SRD5A2: variants seen among roughly 807,000 people sequenced by gnomAD.
The protein encoded by SRD5A2 is 3-oxo-5-alpha-steroid 4-dehydrogenase 2.
Under a neutral mutation model 27.4 loss-of-function variants are expected in SRD5A2, and 30 were observed. The ratio of observed to expected loss-of-function variants is 1.10; its 90% CI spans 0.82 to 1.49. The LOEUF is 1.49. SRD5A2 is among the 40% of genes most tolerant of loss of function. SRD5A2 has a pLI of 0.00. For missense variants in SRD5A2, 348 were observed against 323.4 expected (o/e 1.08, Z -0.58); for synonymous variants, 141 against 133.6 (o/e 1.06, Z -0.38).
chr2:31,575,825 A>C (rs1460021507), intron 1 of SRD5A2, among the ~76,000 whole-genome samples: 1 of 152,210 alleles, frequency 6.6e-6, no homozygotes, highest in African/African-American at 2.4e-5. Context: ...TTGTTCATTC[A>C]GTTATCAAGG....
chr2:31,563,254 TAA>T (rs1572649667), intron 1 of SRD5A2: 1 of 151,938 alleles, frequency 6.6e-6, no homozygotes, highest in East Asian at 1.9e-4. Flanking sequence ...TAGAGGTCAC[TAA>T]AACCAACAAA....
intron 1 of SRD5A2, among the ~76,000 whole-genome samples, chr2:31,564,081 T>G (rs1250560083): frequency 1.3e-5 from 2 of 152,216 alleles, no homozygotes; most frequent in South Asian, 2.1e-4. Flanking sequence ...AAAACACTGC[T>G]TATTATAGGA....
chr2:31,593,076 C>A, the SRD5A2 span, among the ~76,000 whole-genome samples: 1 of 151,718 alleles, frequency 6.6e-6, no homozygotes, highest in African/African-American at 2.4e-5. Flanking sequence ...CACATGGACA[C>A]AGGAAGGGGA....
the SRD5A2 span, among the ~76,000 whole-genome samples, chr2:31,636,714 G>A: frequency 6.6e-6 from 1 of 152,072 alleles, no homozygotes; most frequent in Non-Finnish European, 1.5e-5. Flanking sequence ...TGCTTTTGCA[G>A]GTTCTATTGA....
chr2:31,661,929 G>A, the SRD5A2 span, among the ~76,000 whole-genome samples: 5 of 151,550 alleles, frequency 3.3e-5, no homozygotes, highest in South Asian at 2.1e-4. Flanking sequence ...CTTCTATATC[G>A]GCCAAACTTC....
chr2:31,532,692 A>C (rs911341258), intron 2 of SRD5A2, among the ~76,000 whole-genome samples: 2 of 152,122 alleles, frequency 1.3e-5, no homozygotes, highest in Admixed American at 1.3e-4. Context: ...GAAACAATCA[A>C]GTCTATTCTC....
upstream of SRD5A2, among the ~76,000 whole-genome samples, chr2:31,582,494 G>A (rs368471081): frequency 2.6e-5 from 4 of 152,046 alleles, no homozygotes; most frequent in East Asian, 1.9e-4. Context: ...CATACTGACC[G>A]AAGCATTTTT....
chr2:31,599,914 C>A, the SRD5A2 span, among the ~76,000 whole-genome samples: 1 of 151,766 alleles, frequency 6.6e-6, no homozygotes, highest in East Asian at 1.9e-4. Context: ...GTTTGTTGTA[C>A]GGATATTTAA....
chr2:31,526,123 A>G lies in SRD5A2; in HGVS notation c.*73T>C. On this transcript the variant is annotated 3_prime_UTR_variant, in exon 5 of 5. Coordinates refer to ENST00000622030, the MANE Select transcript of SRD5A2 (RefSeq NM_000348.4). ...TATATACGGGACTATTATATCATGA[A>G]AATTACAGTTTCAGCAGCTTGACAG... The G allele has an allele frequency of 9.8e-7, 1 of 1,017,384 alleles. No homozygotes were observed. The highest frequency in any genetic ancestry group is 1.5e-6 in the Non-Finnish European group (1 of 667,542). The allele number at this position is 1,017,384 out of a possible 1,614,324, so 63.0% of individuals were successfully genotyped here. A position where few individuals can be genotyped will look rare whatever the true frequency, so the allele number is the denominator to read the frequency against.
chr2:31,642,652 T>C, the SRD5A2 span, among the ~76,000 whole-genome samples: 1 of 151,952 alleles, frequency 6.6e-6, no homozygotes, highest in South Asian at 2.1e-4. Context: ...GATCCAACAA[T>C]TCAACGCCAA....
rs117105968 is a variant in SRD5A2 at position 31,578,612 on chromosome 2, A to G, written c.281+2008T>C. 3.6e-4 allele frequency among the ~76,000 whole-genome samples: 55 copies of G among 152,302 alleles called. 1 individual carries two copies. In the East Asian group the frequency reaches 0.01, roughly 28 times the overall value. ...CAAAGAAAGAATTCAAAAAAGAGGA[A>G]AGACAAACATCAGATCCCGATGCCT... On this transcript the variant is annotated intron_variant, in intron 1 of 4. Transcript: ENST00000622030.
chr2:31,543,890 T>C (rs573598296), intron 1 of SRD5A2, among the ~76,000 whole-genome samples: 89 of 152,148 alleles, frequency 5.8e-4, no homozygotes, highest in Middle Eastern at 3.4e-3. Flanking sequence ...TCAACCAATA[T>C]AGATGAGCAG....
In SRD5A2 at chr2:31,526,257, T is replaced by G; in HGVS notation, c.704A>C (p.Tyr235Ser). ...GLRAFHHHRF[Y>S]LKMFEDYPKS... ...GGGGTAGTCCTCAAACATCTTGAGG[T>G]AGAACCTAAAAGACAAGAAAGGAAT... Residue 235 changes from tyrosine to serine, a missense_variant, in exon 5 of 5, where the codon TAC becomes TCC. Coordinates refer to ENST00000622030, the MANE Select transcript of SRD5A2 (RefSeq NM_000348.4). 1 of 1,577,766 alleles carries G rather than the reference T, an allele frequency of 6.3e-7. No homozygotes were observed. Among genetic ancestry groups the G allele is most frequent in the South Asian group, 1.2e-5 (1 of 86,166 alleles).
At chr2:31,618,259 G>C in the SRD5A2 span, among the ~76,000 whole-genome samples, 1 of 152,152 alleles carries the variant, frequency 6.6e-6, no homozygotes, top group Non-Finnish European at 1.5e-5. Flanking sequence ...TCTCCACCTG[G>C]CCTTGCCCTT....
the SRD5A2 span, among the ~76,000 whole-genome samples, chr2:31,588,374 A>G: frequency 6.6e-6 from 1 of 152,210 alleles, no homozygotes; most frequent in South Asian, 2.1e-4. Flanking sequence ...AACAAGCAAG[A>G]GAAAAGAAAC....
intron 4 of SRD5A2, among the ~76,000 whole-genome samples, chr2:31,528,507 C>T (rs1665829293): frequency 6.6e-6 from 1 of 152,186 alleles, no homozygotes; most frequent in South Asian, 2.1e-4. Flanking sequence ...GATGGCTTTG[C>T]CTGTAATCCC....
intron 1 of SRD5A2, among the ~76,000 whole-genome samples, chr2:31,568,990 T>C (rs1666795455): frequency 6.6e-6 from 1 of 152,192 alleles, no homozygotes; most frequent in South Asian, 2.1e-4. Context: ...AGCAGGTACT[T>C]CCAAGCCTTC....
intron 1 of SRD5A2, among the ~76,000 whole-genome samples, chr2:31,539,222 GT>G (rs1203488164): frequency 2.0e-5 from 3 of 152,180 alleles, no homozygotes; most frequent in African/African-American, 7.2e-5. Flanking sequence ...AAAGCAGTGT[GT>G]TCCTGGATTT....
intron 1 of SRD5A2, among the ~76,000 whole-genome samples, chr2:31,546,461 T>C (rs1427863281): frequency 2.6e-5 from 4 of 152,156 alleles, no homozygotes; most frequent in Non-Finnish European, 5.9e-5. Flanking sequence ...TATGCAGCCA[T>C]AAAAAATTAA....
Sources: gnomAD v4.1 joint callset for allele counts (sites outside exome capture counted in the v4.1 genomes callset) on GRCh38, gnomAD v4.1.1 for gene constraint, MANE v1.5 for transcripts, NCBI Gene and HGNC (gene_info 2026-07-23, HGNC 2026-07-21) for gene names.